The following PLA2R1 variants were observed in gnomAD, a reference collection of about 807,000 sequenced individuals.
The protein encoded by PLA2R1 is phospholipase A2 receptor 1.
A neutral mutation model predicts 195.9 loss-of-function variants in PLA2R1; 158 were observed. The ratio of observed to expected loss-of-function variants is 0.81; its 90% confidence interval spans 0.71 to 0.92. The LOEUF (loss-of-function observed/expected upper bound fraction) is 0.92, where lower values mean the gene tolerates loss of function less well. PLA2R1 is among the 40% of genes least tolerant of loss of function. The pLI is 0.00. For synonymous variants in PLA2R1, 586 were observed against 598.2 expected (o/e 0.98, Z 0.30); for missense variants, 1,626 against 1,764.6 (o/e 0.92, Z 1.41).
intron 23 of PLA2R1, 24 bp from the exon 24 acceptor site, chr2:159,951,602 G>A (rs1229078315): frequency 8.6e-7 from 1 of 1,164,712 alleles, no homozygotes; most frequent in South Asian, 1.2e-5. Flanking sequence ...AGCAACAAAA[G>A]TCATTTGCAG....
At chr2:160,038,819 T>C (rs1222008124) in intron 3 of PLA2R1, among the ~76,000 whole-genome samples, 1 of 152,074 alleles carries the variant, frequency 6.6e-6, no homozygotes, top group Non-Finnish European at 1.5e-5. Flanking sequence ...AGAGCAGCCA[T>C]ACCTTTGTTG....
downstream of PLA2R1, among the ~76,000 whole-genome samples, chr2:159,931,684 C>G (rs1421646704): frequency 6.6e-6 from 1 of 152,162 alleles, no homozygotes; most frequent in Non-Finnish European, 1.5e-5. Context: ...TACAGGCATG[C>G]ACCACCACAC....
chr2:159,964,077 G>T (rs376132491), intron 20 of PLA2R1, among the ~76,000 whole-genome samples: 6 of 152,052 alleles, frequency 3.9e-5, no homozygotes, highest in African/African-American at 1.4e-4. Context: ...CAAGAAGGAA[G>T]GCAATTTTGA....
rs891728539 is a variant in PLA2R1 at position 159,941,370 on chromosome 2, T to C, written c.*408A>G. The C allele has an allele frequency of 6.5e-6, 1 of 153,356 alleles. No individual in the cohort carries two copies. Among genetic ancestry groups the C allele is most frequent in the Non-Finnish European group, 1.5e-5 (1 of 68,880 alleles). 9.5% of individuals were successfully genotyped at this position (153,356 alleles called of 1,614,324 possible). A position where few individuals can be genotyped will look rare whatever the true frequency, so the allele number is the denominator to read the frequency against. ...ACAAGATTAATTTTTTTTTGCTTCT[T>C]TCTGTCTTTCTTAATGGTACGAGTG... On this transcript the variant is annotated 3_prime_UTR_variant, in exon 30 of 30. Coordinates refer to ENST00000283243, the MANE Select transcript of PLA2R1 (RefSeq NM_007366.5).
Position 159,956,750 on chromosome 2 carries a change from T to C in PLA2R1, c.2905-123A>G, listed in dbSNP as rs1469987012. ...TATAATTTTCTTGGGCAGAAAGAACTCATTTTTCTTTCACCTCCTCCAAAG... is the reference window on the plus strand; with the variant it reads ...TATAATTTTCTTGGGCAGAAAGAACCCATTTTTCTTTCACCTCCTCCAAAG... On this transcript the variant is annotated intron_variant, in intron 20 of 29. Coordinates refer to ENST00000283243, the MANE Select transcript of PLA2R1 (RefSeq NM_007366.5). 5 of 635,316 alleles carry C rather than the reference T, an allele frequency of 7.9e-6. No homozygotes were observed. In the South Asian group the frequency reaches 9.7e-5, roughly 12 times the overall value. The allele number at this position is 635,316 out of a possible 1,614,324, so 39.4% of individuals were successfully genotyped here.
chr2:159,995,036 A>G (rs947395461), intron 11 of PLA2R1, among the ~76,000 whole-genome samples: 3 of 152,090 alleles, frequency 2.0e-5, no homozygotes, highest in Non-Finnish European at 4.4e-5. Flanking sequence ...TTCAGTGGTC[A>G]ATTCATGTAG....
chr2:159,950,432 T>C (rs1178994409), intron 24 of PLA2R1, among the ~76,000 whole-genome samples: 2 of 152,252 alleles, frequency 1.3e-5, no homozygotes, highest in Non-Finnish European at 1.5e-5. Context: ...GCAATTTTAC[T>C]TCTAAAAAAT....
intron 13 of PLA2R1, among the ~76,000 whole-genome samples, chr2:159,981,498 C>T (rs889620193): frequency 6.6e-6 from 1 of 152,020 alleles, no homozygotes; most frequent in African/African-American, 2.4e-5. Context: ...CTCCTCTTCC[C>T]AGGCTCAATT....
the PLA2R1 span, among the ~76,000 whole-genome samples, chr2:159,926,623 T>C: frequency 6.6e-6 from 1 of 152,228 alleles, no homozygotes; most frequent in African/African-American, 2.4e-5. Flanking sequence ...TGTGGCATGT[T>C]TGCAAGCTTG....
intron 23 of PLA2R1, among the ~76,000 whole-genome samples, chr2:159,952,610 C>A (rs1026021681): frequency 5.3e-5 from 8 of 152,158 alleles, no homozygotes; most frequent in African/African-American, 1.9e-4. Context: ...CTGGCCCTAA[C>A]TGGCTAAGAG....
rs370163674 is a variant in PLA2R1 at position 159,951,432 on chromosome 2, C to T, written c.3448G>A (p.Val1150Ile). 1.2e-6 allele frequency: 2 copies of T among 1,613,836 alleles called. No homozygotes were observed. The highest frequency in any genetic ancestry group is 2.2e-5 in the East Asian group (1 of 44,882). ...KTCLMHKAQLVSITDQYHQSF... is the reference protein window; with the variant it reads ...KTCLMHKAQLISITDQYHQSF... ...TGGTGATACTGGTCTGTGATGCTGA[C>T]CAGTTGTGCTTTGTGCATCAGGCAG... Residue 1150 changes from valine (V) to isoleucine (I), a missense_variant, in exon 24 of 30, where the codon GTC becomes ATC. Transcript: ENST00000283243.
intron 20 of PLA2R1, among the ~76,000 whole-genome samples, chr2:159,957,225 A>T (rs1229780673): frequency 6.6e-6 from 1 of 152,232 alleles, no homozygotes; most frequent in Non-Finnish European, 1.5e-5. Context: ...GGGAAGAAGT[A>T]GAAATGAAGG....
In PLA2R1 at chr2:160,023,086, G is replaced by A. The variant is rs150907486; in HGVS notation, c.1100-227C>T. Among the ~76,000 whole-genome samples, 5 of 152,216 alleles carry A rather than the reference G, an allele frequency of 3.3e-5. No homozygotes were observed. The East Asian group carries it at 9.6e-4, about 29-fold the overall frequency. On this transcript the variant is annotated intron_variant, in intron 6 of 29. Transcript: ENST00000283243. ...ATGAACCTCAGTATTTCATTTTCCGGATGAGCTAGTGAAGGTACAAAGAAG... is the reference window on the plus strand; with the variant it reads ...ATGAACCTCAGTATTTCATTTTCCGAATGAGCTAGTGAAGGTACAAAGAAG...
chr2:159,998,542 G>A (rs1001821017), intron 11 of PLA2R1, among the ~76,000 whole-genome samples: 3 of 152,054 alleles, frequency 2.0e-5, no homozygotes, highest in Admixed American at 6.6e-5. Context: ...GAACACTTCC[G>A]ATCCTAATAT....
intron 27 of PLA2R1, 92 bp downstream of exon 27, chr2:159,946,709 C>T: frequency 2.8e-6 from 4 of 1,450,668 alleles, no homozygotes; most frequent in South Asian, 3.3e-5. Context: ...AAAACGTATC[C>T]AAGGAGAGTT....
At chr2:159,987,107 T>C in intron 12 of PLA2R1, 49 bp downstream of exon 12, 1 of 1,416,240 alleles carries the variant, frequency 7.1e-7, no homozygotes, top group African/African-American at 1.4e-5. Context: ...TGGATCAAAT[T>C]AAAATAGTGT....
At position 159,970,156 on chromosome 2, in the gene PLA2R1, A is replaced by G. The variant is rs145305450; in HGVS notation, c.2652T>C (p.Asp884=). Residue 884 remains aspartate (D), a synonymous_variant, in exon 18 of 30, where the codon GAT becomes GAC. Coordinates refer to ENST00000283243, the MANE Select transcript of PLA2R1 (RefSeq NM_007366.5). ...WIGLQEERAN[D]EFRWRDGTPV... is the part of the protein sequence containing the mutation. Reference sequence around the variant, plus strand: ...TGAATCTAGGTTCATACCGAAATTCATCATTGGCTCTTTCTTCTTGAAGTC... The same window carrying G: ...TGAATCTAGGTTCATACCGAAATTCGTCATTGGCTCTTTCTTCTTGAAGTC... 2 of 1,603,146 alleles carry G rather than the reference A, an allele frequency of 1.2e-6. No individual in the cohort carries two copies. The highest frequency in any genetic ancestry group is 1.7e-6 in the Non-Finnish European group (2 of 1,172,106).
Position 159,932,974 on chromosome 2 carries a change from TTG to T in PLA2R1, c.*8802_*8803del, listed in dbSNP as rs374828158. 1.9e-4 allele frequency: 28 copies of T among 148,628 alleles called. No individual in the cohort carries two copies. The highest frequency in any genetic ancestry group is 6.6e-4 in the African/African-American group (27 of 41,026). The allele number at this position is 148,628 out of a possible 1,614,324, so 9.2% of individuals were successfully genotyped here. On this transcript the variant is annotated 3_prime_UTR_variant, in exon 30 of 30. Transcript: ENST00000283243. ...CATTAATAGAAGCACAGGAAACAAG[TTG>T]AAAATAGCATAGATCATGATGTCTT...
At chr2:159,946,736 C>A (rs1381684865) in intron 27 of PLA2R1, 65 bp downstream of exon 27, 7 of 1,487,844 alleles carry the variant, frequency 4.7e-6, no homozygotes, top group South Asian at 1.4e-5. Context: ...CTCACAGATG[C>A]CATTATCATC....
Sources: allele counts gnomAD v4.1 joint callset (sites outside exome capture counted in the v4.1 genomes callset), GRCh38; gene constraint gnomAD v4.1.1; transcripts MANE v1.5; gene names NCBI Gene and HGNC (gene_info 2026-07-23, HGNC 2026-07-21).